The following FHIT variants were observed in gnomAD, a reference collection of about 807,000 sequenced individuals.
The protein encoded by FHIT is bis(5'-adenosyl)-triphosphatase.
FHIT carries 19 observed loss-of-function variants against 17.9 expected under a neutral mutation model. The observed-to-expected ratio is 1.06, with a 90% CI of 0.74 to 1.56. The LOEUF is 1.56. Among genes scored for constraint, FHIT ranks in the 40% most tolerant of loss-of-function variants. FHIT has a pLI of 0.00. For synonymous variants in FHIT, 81 were observed against 69.7 expected (o/e 1.16, Z -0.81); for missense variants, 248 against 189.2 (o/e 1.31, Z -1.82).
chr3:60,021,787 C>A (rs1201267382), intron 5 of FHIT, among the ~76,000 whole-genome samples: 1 of 152,152 alleles, frequency 6.6e-6, no homozygotes, highest in African/African-American at 2.4e-5. Context: ...TGTTTCAATG[C>A]CTCTCAAGGT....
chr3:59,753,357 A>G (rs553458494), intron 8 of FHIT, among the ~76,000 whole-genome samples: 1 of 152,340 alleles, frequency 6.6e-6, no homozygotes, highest in South Asian at 2.1e-4. Flanking sequence ...TCCTCAGATT[A>G]CAGGCATATT....
At chr3:61,017,759 C>T (rs2032194363) in intron 3 of FHIT, among the ~76,000 whole-genome samples, 1 of 152,138 alleles carries the variant, frequency 6.6e-6, no homozygotes, top group Non-Finnish European at 1.5e-5. Flanking sequence ...TTATCTTCTT[C>T]CATAAAGACA....
chr3:60,116,530 T>C lies in FHIT; in HGVS notation c.104-102378A>G, dbSNP rs555498379. On this transcript the variant is annotated intron_variant, in intron 5 of 9. Transcript: ENST00000492590. ...ACTGTTTACCTAGGAATGAGACAAT[T>C]CATTTTTTACAGCCCATCATGAACA... Among the ~76,000 whole-genome samples, 16 of 152,306 alleles carry C rather than the reference T, an allele frequency of 1.1e-4. No homozygotes were observed. The East Asian group carries it at 3.1e-3, about 29-fold the overall frequency.
chr3:61,205,527 G>C (rs1321895910), intron 1 of FHIT, among the ~76,000 whole-genome samples: 4 of 152,178 alleles, frequency 2.6e-5, no homozygotes, highest in South Asian at 2.1e-4. Context: ...ACTGGTGTGA[G>C]ATGGTATCTC....
intron 8 of FHIT, among the ~76,000 whole-genome samples, chr3:59,908,853 T>TTTTTTTTTTTTTTTTTTTTTG (rs1271629999): frequency 6.6e-6 from 1 of 150,832 alleles, no homozygotes; most frequent in African/African-American, 2.4e-5. Context: ...CATTTTTTAA[T>TTTTTTTTTTTTTTTTTTTTTG]AGTCCAACTG....
chr3:60,446,486 T>C (rs1325815269), intron 5 of FHIT, among the ~76,000 whole-genome samples: 5 of 152,108 alleles, frequency 3.3e-5, no homozygotes, highest in Admixed American at 6.6e-5. Context: ...TAGGTGTGGT[T>C]TAAGGCCTGT....
At chr3:59,954,551 T>A (rs1707299358) in intron 7 of FHIT, among the ~76,000 whole-genome samples, 1 of 152,078 alleles carries the variant, frequency 6.6e-6, no homozygotes, top group African/African-American at 2.4e-5. Context: ...AAATCTGCAA[T>A]TCGAAACTCA....
chr3:60,712,378 A>G (rs2041559786), intron 4 of FHIT, among the ~76,000 whole-genome samples: 1 of 152,166 alleles, frequency 6.6e-6, no homozygotes, highest in South Asian at 2.1e-4. Context: ...CTAACAAGCA[A>G]AATAACCAGC....
chr3:59,774,436 C>A (rs955712368), intron 8 of FHIT, among the ~76,000 whole-genome samples: 1 of 152,150 alleles, frequency 6.6e-6, no homozygotes, highest in Non-Finnish European at 1.5e-5. Context: ...GTGTGAGGTT[C>A]GGCAAGTTAC....
At chr3:60,588,674 G>C (rs2037984747) in intron 4 of FHIT, among the ~76,000 whole-genome samples, 1 of 151,850 alleles carries the variant, frequency 6.6e-6, no homozygotes, top group African/African-American at 2.4e-5. Context: ...TTTGAGACAG[G>C]GTCTTGCTCT....
At chr3:60,250,865 T>C (rs562861232) in intron 5 of FHIT, among the ~76,000 whole-genome samples, 1 of 152,310 alleles carries the variant, frequency 6.6e-6, no homozygotes, top group Admixed American at 6.5e-5. Flanking sequence ...AATCTCTAAA[T>C]AAGCTGCTTC....
chr3:60,305,241 G>A (rs1447591756), intron 5 of FHIT, among the ~76,000 whole-genome samples: 1 of 152,036 alleles, frequency 6.6e-6, no homozygotes, highest in Non-Finnish European at 1.5e-5. Flanking sequence ...CTCTCCCAAT[G>A]TATCCTGAAG....
At chr3:59,800,533 A>C (rs940003988) in intron 8 of FHIT, among the ~76,000 whole-genome samples, 4 of 152,244 alleles carry the variant, frequency 2.6e-5, no homozygotes, top group Non-Finnish European at 1.5e-5. Context: ...GTTACAAGAC[A>C]CATTTTCAAA....
chr3:60,579,643 T>C (rs2037690313), intron 4 of FHIT, among the ~76,000 whole-genome samples: 1 of 152,136 alleles, frequency 6.6e-6, no homozygotes, highest in Admixed American at 6.6e-5. Context: ...ATATACATGC[T>C]TATAAATTAC....
At position 60,390,396 on chromosome 3, in the gene FHIT, T is replaced by TAAAAAAAAAAAAAAAAAAAAAAA. The variant is rs869078939; in HGVS notation, c.103+146441_103+146463dup. On this transcript the variant is annotated intron_variant, in intron 5 of 9. Transcript: ENST00000492590. ...TGGTCCCTTAAGATTGTAATGGAGC[T>TAAAAAAAAAAAAAAAAAAAAAAA]AAAAAAAAAAAAAAAAAAAAAAAAA... Among the ~76,000 whole-genome samples the TAAAAAAAAAAAAAAAAAAAAAAA allele has an allele frequency of 4.1e-4, 13 of 32,030 alleles. 1 individual carries two copies. Among genetic ancestry groups the TAAAAAAAAAAAAAAAAAAAAAAA allele is most frequent in the Middle Eastern group, 0.02 (1 of 50 alleles). The allele number at this position is 32,030 out of a possible 152,430, so 21.0% of individuals were successfully genotyped here. A position where few individuals can be genotyped will look rare whatever the true frequency, so the allele number is the denominator to read the frequency against.
chr3:59,821,754 T>A (rs56004514), intron 8 of FHIT, among the ~76,000 whole-genome samples: 1 of 152,058 alleles, frequency 6.6e-6, no homozygotes, highest in African/African-American at 2.4e-5. Flanking sequence ...GAGTTTTTTT[T>A]TAAAAAAAAT....
intron 2 of FHIT, among the ~76,000 whole-genome samples, chr3:61,176,683 C>A (rs952707407): frequency 1.3e-5 from 2 of 152,184 alleles, no homozygotes; most frequent in African/African-American, 4.8e-5. Flanking sequence ...TGCCATCTAA[C>A]CAGTTATATT....
rs563109066 is a variant in FHIT, at chr3:60,663,074, C to T, written c.-17-126095G>A. Reference sequence around the variant, plus strand: ...GAAGTCTATTTCTGGGTCCTCTATTCTGTTCCATTTTGTATATTCTTCTGC... The same window carrying T: ...GAAGTCTATTTCTGGGTCCTCTATTTTGTTCCATTTTGTATATTCTTCTGC... On this transcript the variant is annotated intron_variant, in intron 4 of 9. Coordinates refer to ENST00000492590, the MANE Select transcript of FHIT (RefSeq NM_002012.4). Among the ~76,000 whole-genome samples, 33 of 142,462 alleles carry T rather than the reference C, an allele frequency of 2.3e-4. 1 individual carries two copies. The South Asian group carries it at 7.2e-3, about 31-fold the overall frequency. 93.5% of individuals were successfully genotyped at this position (142,462 alleles called of 152,430 possible).
At chr3:61,149,116 G>A in intron 2 of FHIT, among the ~76,000 whole-genome samples, 1 of 152,176 alleles carries the variant, frequency 6.6e-6, no homozygotes, top group East Asian at 1.9e-4. Flanking sequence ...ATAATTAAGA[G>A]GCAAATATTT....
Sources: allele counts gnomAD v4.1 joint callset (sites outside exome capture counted in the v4.1 genomes callset), GRCh38; gene constraint gnomAD v4.1.1; transcripts MANE v1.5; gene names NCBI Gene and HGNC (gene_info 2026-07-23, HGNC 2026-07-21).